EPHA3: variants seen among roughly 807,000 people sequenced by gnomAD.
The protein encoded by EPHA3 is ephrin type-A receptor 3.
EPHA3 carries 42 observed loss-of-function variants against 107.1 expected under a neutral mutation model. That is an observed-to-expected ratio of 0.39 (90% confidence interval 0.31 to 0.51). EPHA3 has a LOEUF of 0.51. Ranked by LOEUF, EPHA3 falls within the 20% of genes least tolerant of loss-of-function variation. EPHA3 has a pLI of 0.78. For missense variants in EPHA3, 1,183 were observed against 1,211.2 expected, an observed-to-expected ratio of 0.98 and a Z score of 0.35; for synonymous variants, 461 against 424.8, an observed-to-expected ratio of 1.09 and a Z score of -1.05.
intron 3 of EPHA3, among the ~76,000 whole-genome samples, chr3:89,320,562 T>A (rs544948617): frequency 4.9e-4 from 75 of 151,778 alleles, no homozygotes; most frequent in Middle Eastern, 3.4e-3. Context: ...CTATTTACTC[T>A]AGGATATGAG....
intron 7 of EPHA3, among the ~76,000 whole-genome samples, chr3:89,405,641 T>C (rs78918046): frequency 0.02 from 3,026 of 152,228 alleles, 31 homozygotes; most frequent in African/African-American, 0.029. Context: ...TTAGAGAAAA[T>C]CTTCCAAACT....
chr3:89,337,033 G>A (rs1185297550), intron 3 of EPHA3, among the ~76,000 whole-genome samples: 2 of 151,010 alleles, frequency 1.3e-5, no homozygotes, highest in Admixed American at 6.6e-5. Context: ...CTGGACAGTA[G>A]GGTGAGAAGA....
intron 6 of EPHA3, among the ~76,000 whole-genome samples, chr3:89,396,369 C>A (rs1433378261): frequency 6.6e-6 from 1 of 152,002 alleles, no homozygotes; most frequent in Admixed American, 6.6e-5. Flanking sequence ...ATACAAATAG[C>A]AACATTGTGC....
chr3:89,279,850 T>G (rs1353628395), intron 3 of EPHA3, among the ~76,000 whole-genome samples: 1 of 152,282 alleles, frequency 6.6e-6, no homozygotes, highest in East Asian at 1.9e-4. Flanking sequence ...ATATGCTGCA[T>G]TGGGAAAAGC....
chr3:89,398,635 AT>A (rs979152354), intron 6 of EPHA3, among the ~76,000 whole-genome samples: 1 of 152,184 alleles, frequency 6.6e-6, no homozygotes, highest in Non-Finnish European at 1.5e-5. Flanking sequence ...ATTAGGTTTA[AT>A]TCAAAGGGAT....
intron 5 of EPHA3, among the ~76,000 whole-genome samples, chr3:89,369,788 A>G (rs1371088864): frequency 6.7e-6 from 1 of 149,636 alleles, no homozygotes; most frequent in East Asian, 1.9e-4. Flanking sequence ...AGAATCTACA[A>G]TGAACTCAAA....
intron 2 of EPHA3, among the ~76,000 whole-genome samples, chr3:89,205,657 T>C (rs1237783825): frequency 2.0e-5 from 3 of 152,176 alleles, no homozygotes; most frequent in Non-Finnish European, 2.9e-5. Context: ...TGAAAAAGTA[T>C]TTTGAGCTCC....
At chr3:89,188,053 A>G (rs1705615757) in intron 2 of EPHA3, among the ~76,000 whole-genome samples, 1 of 152,084 alleles carries the variant, frequency 6.6e-6, no homozygotes, top group Non-Finnish European at 1.5e-5. Flanking sequence ...ACTTTATTCC[A>G]ATAATATAAA....
At chr3:89,449,969 T>C (rs1274071944) in intron 14 of EPHA3, among the ~76,000 whole-genome samples, 4 of 152,236 alleles carry the variant, frequency 2.6e-5, no homozygotes, top group Admixed American at 2.0e-4. Flanking sequence ...AAATTTATGT[T>C]ATTTCAATCT....
intron 2 of EPHA3, among the ~76,000 whole-genome samples, chr3:89,132,168 G>A (rs1704220310): frequency 6.6e-6 from 1 of 152,152 alleles, no homozygotes; most frequent in Non-Finnish European, 1.5e-5. Flanking sequence ...AAGGCTCTGG[G>A]TCTGCAGCAG....
At chr3:89,455,947 A>C (rs1208101291) in intron 15 of EPHA3, among the ~76,000 whole-genome samples, 5 of 151,984 alleles carry the variant, frequency 3.3e-5, no homozygotes, top group Non-Finnish European at 7.4e-5. Flanking sequence ...TTCTCAATAA[A>C]CTCTAAGCCC....
intron 5 of EPHA3, among the ~76,000 whole-genome samples, chr3:89,390,785 A>AT (rs528841771): frequency 0.025 from 3,297 of 132,094 alleles, 112 homozygotes; most frequent in East Asian, 0.093. Context: ...ATTGAAAAGC[A>AT]TTTTTTTTTT....
At chr3:89,197,656 T>C (rs1705869874) in intron 2 of EPHA3, among the ~76,000 whole-genome samples, 1 of 152,142 alleles carries the variant, frequency 6.6e-6, no homozygotes, top group South Asian at 2.1e-4. Context: ...AAATTTATCT[T>C]AGAAAAAAGA....
chr3:89,222,127 A>G (rs1704392433), intron 3 of EPHA3, among the ~76,000 whole-genome samples: 1 of 151,904 alleles, frequency 6.6e-6, no homozygotes, highest in South Asian at 2.1e-4. Context: ...TGCTGAGGAC[A>G]TGATTGATAG....
At chr3:89,429,312 T>C (rs1709516354) in intron 12 of EPHA3, 145 bp downstream of exon 12, 1 of 512,454 alleles carries the variant, frequency 2.0e-6, no homozygotes, top group Non-Finnish European at 3.3e-6. Flanking sequence ...AGAGAAGGGC[T>C]GTAAAATTGC....
At chr3:89,474,230 A>C (rs2107576791) in intron 16 of EPHA3, among the ~76,000 whole-genome samples, 1 of 152,322 alleles carries the variant, frequency 6.6e-6, no homozygotes, top group South Asian at 2.1e-4. Flanking sequence ...TTACAGGAAC[A>C]GTTTACGATT....
chr3:89,146,326 C>T (rs1183181876), intron 2 of EPHA3, among the ~76,000 whole-genome samples: 8 of 151,802 alleles, frequency 5.3e-5, no homozygotes, highest in African/African-American at 1.9e-4. Flanking sequence ...CCCCAAAGTG[C>T]ATGAGTAATG....
chr3:89,302,919 G>A (rs1233785120), intron 3 of EPHA3, among the ~76,000 whole-genome samples: 4 of 151,946 alleles, frequency 2.6e-5, no homozygotes, highest in Non-Finnish European at 4.4e-5. Flanking sequence ...TTGAGACAGG[G>A]TCTCACTCTG....
chr3:89,316,035 T>G (rs768943664), intron 3 of EPHA3, among the ~76,000 whole-genome samples: 6 of 151,756 alleles, frequency 4.0e-5, no homozygotes, highest in Non-Finnish European at 8.8e-5. Context: ...ATACTTAATA[T>G]AAATGTAAAA....
Sources: allele counts gnomAD v4.1 joint callset (sites outside exome capture counted in the v4.1 genomes callset), GRCh38; gene constraint gnomAD v4.1.1; transcripts MANE v1.5; gene names NCBI Gene and HGNC (gene_info 2026-07-23, HGNC 2026-07-21).